IARS2: variants seen among roughly 807,000 people sequenced by gnomAD.
IARS2 encodes the protein isoleucyl-tRNA synthetase 2, mitochondrial.
Under a neutral mutation model 126.3 loss-of-function variants are expected in IARS2, and 56 were observed. The observed-to-expected ratio is 0.44, with a 90% CI of 0.36 to 0.55. The LOEUF (loss-of-function observed/expected upper bound fraction) is 0.55, where lower values mean the gene tolerates loss of function less well. IARS2 is among the 20% of genes least tolerant of loss of function. The probability of loss-of-function intolerance (pLI) is 0.00; values close to 1 mark genes in which losing one functional copy is unlikely to be tolerated. For synonymous variants in IARS2, 407 were observed against 441.1 expected, an observed-to-expected ratio of 0.92 and a Z score of 0.97; for missense variants, 1,127 against 1,245.9, an observed-to-expected ratio of 0.90 and a Z score of 1.44.
chr1:220,108,522 A>C (rs984778097), intron 10 of IARS2, among the ~76,000 whole-genome samples: 1 of 151,616 alleles, frequency 6.6e-6, no homozygotes, highest in Non-Finnish European at 1.5e-5. Flanking sequence ...AGTAGCTGGG[A>C]CTACAGGCGC....
intron 16 of IARS2, among the ~76,000 whole-genome samples, chr1:220,137,369 T>C (rs1310418858): frequency 6.6e-6 from 1 of 152,206 alleles, no homozygotes; most frequent in African/African-American, 2.4e-5. Flanking sequence ...TTGTTGAAAA[T>C]TATACACTTT....
At chr1:220,097,105 A>G (rs527756367) in intron 2 of IARS2, among the ~76,000 whole-genome samples, 18 of 152,288 alleles carry the variant, frequency 1.2e-4, no homozygotes, top group African/African-American at 4.1e-4. Flanking sequence ...TATTATTTCA[A>G]ACCCTTTTGC....
chr1:220,126,682 G>T (rs1358126474), intron 13 of IARS2, 68 bp from the exon 14 acceptor site: 3 of 1,085,930 alleles, frequency 2.8e-6, no homozygotes, highest in Non-Finnish European at 4.1e-6. Context: ...AAGACTTTTG[G>T]GGTACAGTAT....
intron 3 of IARS2, among the ~76,000 whole-genome samples, chr1:220,101,920 G>C (rs1656581833): frequency 6.6e-6 from 1 of 152,156 alleles, no homozygotes; most frequent in African/African-American, 2.4e-5. Context: ...AGAATGGCGT[G>C]AACCCGGGAG....
chr1:220,132,795 A>AT (rs1221101278), intron 14 of IARS2, among the ~76,000 whole-genome samples: 1 of 151,568 alleles, frequency 6.6e-6, no homozygotes, highest in Non-Finnish European at 1.5e-5. Flanking sequence ...AAGTTCTGGG[A>AT]TTTTACAGGC....
At chr1:220,128,540 A>G (rs1459421444) in intron 14 of IARS2, among the ~76,000 whole-genome samples, 1 of 152,172 alleles carries the variant, frequency 6.6e-6, no homozygotes, top group Non-Finnish European at 1.5e-5. Context: ...CTAAGGACAC[A>G]TTTCTCAGAG....
chr1:220,146,230 A>G (rs1327574907), intron 22 of IARS2, among the ~76,000 whole-genome samples: 2 of 152,074 alleles, frequency 1.3e-5, no homozygotes, highest in Non-Finnish European at 2.9e-5. Flanking sequence ...TAATAAAGAA[A>G]AATAGGCTGG....
intron 11 of IARS2, among the ~76,000 whole-genome samples, chr1:220,112,937 C>T (rs1300540690): frequency 6.6e-6 from 1 of 152,124 alleles, no homozygotes; most frequent in Non-Finnish European, 1.5e-5. Context: ...GATCTTGGCT[C>T]ACAGCAGCCT....
intron 20 of IARS2, 53 bp downstream of exon 20, chr1:220,142,001 C>A: frequency 6.5e-7 from 1 of 1,534,700 alleles, no homozygotes. Flanking sequence ...GATCAAGGTG[C>A]AACTTCTACT....
In IARS2 at chr1:220,114,425, C is replaced by G. The variant is rs1378833857; in HGVS notation, c.1591C>G (p.Pro531Ala). The G allele has an allele frequency of 1.2e-6, 2 of 1,613,806 alleles. No individual in the cohort carries two copies. Among genetic ancestry groups the G allele is most frequent in the South Asian group, 1.1e-5 (1 of 91,064 alleles). ...ATCAAGGCAAAGAGTTTGGGGTGTT[C>G]CAATTCCTGTGTTTCATCATAAGAC... ...CISRQRVWGV[P>A]IPVFHHKTKD... Residue 531 changes from proline to alanine, a missense_variant, in exon 12 of 23, where the codon CCA becomes GCA. Transcript: ENST00000366922.
chr1:220,146,546 A>G (rs1342235410), intron 22 of IARS2, among the ~76,000 whole-genome samples: 1 of 147,894 alleles, frequency 6.8e-6, no homozygotes, highest in East Asian at 2.0e-4. Context: ...AAAAGCAGGT[A>G]TCTTATGCTG....
Position 220,137,005 on chromosome 1 carries a change from A to C in IARS2, c.2049+94A>C, listed in dbSNP as rs74902866. On this transcript the variant is annotated intron_variant, in intron 16 of 22. Transcript: ENST00000366922. ...ATATAGTTACTTCAATGTAAAAATA[A>C]AAACTATCTTTTATACTCTCAAATA... The C allele has an allele frequency of 0.066, 44,177 of 665,280 alleles. 1,721 individuals are homozygous for C. The highest frequency in any genetic ancestry group is 0.076 in the Non-Finnish European group (29,524 of 388,420). 41.2% of individuals were successfully genotyped at this position (665,280 alleles called of 1,614,324 possible).
intron 19 of IARS2, among the ~76,000 whole-genome samples, chr1:220,141,303 T>C: frequency 6.6e-6 from 1 of 152,198 alleles, no homozygotes; most frequent in East Asian, 1.9e-4. Flanking sequence ...GTGTATAATA[T>C]TAGCAGTATC....
intron 14 of IARS2, among the ~76,000 whole-genome samples, chr1:220,128,920 G>C (rs1055299642): frequency 7.2e-6 from 1 of 139,210 alleles, no homozygotes; most frequent in African/African-American, 2.6e-5. Flanking sequence ...TTTTTTTTTC[G>C]AGACAGTGTC....
At chr1:220,103,761 T>G (rs950596665) in intron 8 of IARS2, among the ~76,000 whole-genome samples, 199 bp downstream of exon 8, 1 of 152,232 alleles carries the variant, frequency 6.6e-6, no homozygotes. Flanking sequence ...TATTGATAAA[T>G]GTACAACAGG....
intron 10 of IARS2, among the ~76,000 whole-genome samples, chr1:220,108,878 T>TTTTTA (rs1656740995): frequency 4.7e-5 from 7 of 149,486 alleles, no homozygotes; most frequent in Non-Finnish European, 1.0e-4. Context: ...TTTTTTTTTT[T>TTTTTA]TTTTATTGGA....
Position 220,102,317 on chromosome 1 carries a change from G to A in IARS2, c.699+40G>A, listed in dbSNP as rs372276818. On this transcript the variant is annotated intron_variant, in intron 4 of 22. Transcript: ENST00000366922. ...TTTCTCTTTGAGTAGGTTTTAGTATGCGTTACAAGATTCTACTTTTAACAT... is the reference window on the plus strand; with the variant it reads ...TTTCTCTTTGAGTAGGTTTTAGTATACGTTACAAGATTCTACTTTTAACAT... The A allele has an allele frequency of 5.3e-4, 845 of 1,607,670 alleles. 11 individuals are homozygous for A. The South Asian group carries it at 7.0e-3, about 13-fold the overall frequency.
At chr1:220,126,941 G>T in intron 14 of IARS2, 98 bp downstream of exon 14, 1 of 819,282 alleles carries the variant, frequency 1.2e-6, no homozygotes, top group South Asian at 1.8e-5. Flanking sequence ...TTCTGTGTGT[G>T]CTTTATTTAG....
chr1:220,138,446 G>A (rs1008496797), intron 17 of IARS2, among the ~76,000 whole-genome samples: 3 of 152,096 alleles, frequency 2.0e-5, no homozygotes, highest in African/African-American at 4.8e-5. Flanking sequence ...ACTCCAGCCT[G>A]GCGACAGAGC....
Sources: gnomAD v4.1 joint callset for allele counts (sites outside exome capture counted in the v4.1 genomes callset) on GRCh38, gnomAD v4.1.1 for gene constraint, MANE v1.5 for transcripts, NCBI Gene and HGNC (gene_info 2026-07-23, HGNC 2026-07-21) for gene names.